GARRE1: variants seen among roughly 807,000 people sequenced by gnomAD.
GARRE1 encodes granule associated Rac and RHOG effector protein 1.
GARRE1 carries 49 observed loss-of-function variants against 103.2 expected under a neutral mutation model. The observed-to-expected ratio is 0.47, with a 90% CI of 0.38 to 0.60. The LOEUF is 0.60. GARRE1 is among the 20% of genes least tolerant of loss of function. The pLI, the probability that GARRE1 is intolerant of heterozygous loss-of-function variation, is 0.00. For missense variants in GARRE1, 1,199 were observed against 1,370.5 expected, an observed-to-expected ratio of 0.87 and a Z score of 1.98; for synonymous variants, 505 against 532.8, an observed-to-expected ratio of 0.95 and a Z score of 0.72.
intron 1 of GARRE1, among the ~76,000 whole-genome samples, chr19:34,255,828 A>T (rs1192556488): frequency 6.6e-6 from 1 of 151,260 alleles, no homozygotes; most frequent in Non-Finnish European, 1.5e-5. Flanking sequence ...AAATTTACAA[A>T]TGGGGTCAAA....
intron 1 of GARRE1, among the ~76,000 whole-genome samples, chr19:34,280,710 G>A (rs548984560): frequency 5.3e-5 from 8 of 152,096 alleles, no homozygotes; most frequent in South Asian, 2.1e-4. Flanking sequence ...ATTATTGATC[G>A]TTAATGGCAC....
chr19:34,301,982 C>CTTTT lies in GARRE1; in HGVS notation c.495+1038_495+1041dup, dbSNP rs35417822. Among the ~76,000 whole-genome samples, 13 of 50,062 alleles carry CTTTT rather than the reference C, an allele frequency of 2.6e-4. 1 individual carries two copies. The highest frequency in any genetic ancestry group is 9.6e-4 in the South Asian group (1 of 1,044). The allele number at this position is 50,062 out of a possible 152,430, so 32.8% of individuals were successfully genotyped here. On this transcript the variant is annotated intron_variant, in intron 2 of 13. Transcript: ENST00000299505. ...ACAGGTGTGAGCCACTGCGCCCAGCCTTTTTTTTTTTTTTTTTTTTTTTTT... is the reference window on the plus strand; with the variant it reads ...ACAGGTGTGAGCCACTGCGCCCAGCCTTTTTTTTTTTTTTTTTTTTTTTTTTTTT...
chr19:34,283,381 ACCTTT>A (rs1476084051), intron 1 of GARRE1, among the ~76,000 whole-genome samples: 2 of 152,192 alleles, frequency 1.3e-5, no homozygotes, highest in African/African-American at 4.8e-5. Context: ...ACTTTTCAAG[ACCTTT>A]CCTGTTTGTC....
At chr19:34,340,083 G>A in intron 9 of GARRE1, 91 bp downstream of exon 9, 1 of 1,366,828 alleles carries the variant, frequency 7.3e-7, no homozygotes, top group Non-Finnish European at 1.0e-6. Context: ...ATAGTATACG[G>A]TATTGTAAAG....
intron 1 of GARRE1, among the ~76,000 whole-genome samples, chr19:34,283,025 T>C (rs1300705602): frequency 2.0e-5 from 3 of 152,254 alleles, no homozygotes; most frequent in Admixed American, 2.0e-4. Flanking sequence ...TTTATTGTTA[T>C]GTCACTGGGA....
chr19:34,281,935 C>T (rs2073856595), intron 1 of GARRE1, among the ~76,000 whole-genome samples: 1 of 152,176 alleles, frequency 6.6e-6, no homozygotes, highest in Admixed American at 6.5e-5. Context: ...TTGTTCTTCT[C>T]TATACGTTGT....
At chr19:34,272,044 C>A (rs916404180) in intron 1 of GARRE1, among the ~76,000 whole-genome samples, 11 of 152,056 alleles carry the variant, frequency 7.2e-5, no homozygotes, top group Admixed American at 5.9e-4. Context: ...GGAGCAGTTG[C>A]TGTAGAAGAG....
chr19:34,258,082 G>A (rs976576679), intron 1 of GARRE1, among the ~76,000 whole-genome samples: 18 of 151,928 alleles, frequency 1.2e-4, no homozygotes, highest in African/African-American at 4.3e-4. Flanking sequence ...TAGAGATGGG[G>A]TTTCACCATG....
chr19:34,307,688 CTTATATATACA>C (rs2074014828), intron 2 of GARRE1, among the ~76,000 whole-genome samples: 1 of 51,006 alleles, frequency 2.0e-5, no homozygotes, highest in African/African-American at 3.8e-5. Context: ...TACATATATA[CTTATATATACA>C]TATATACTTA....
At chr19:34,271,959 T>G (rs771278480) in intron 1 of GARRE1, among the ~76,000 whole-genome samples, 3 of 152,168 alleles carry the variant, frequency 2.0e-5, no homozygotes, top group Non-Finnish European at 4.4e-5. Flanking sequence ...GTCAATTTCC[T>G]TGGAAGCTGA....
intron 1 of GARRE1, among the ~76,000 whole-genome samples, chr19:34,276,206 G>A (rs1235614593): frequency 6.6e-6 from 1 of 152,046 alleles, no homozygotes; most frequent in African/African-American, 2.4e-5. Flanking sequence ...ACCACGCCCA[G>A]CTAATTTTTT....
intron 1 of GARRE1, among the ~76,000 whole-genome samples, chr19:34,285,814 A>G (rs1368668024): frequency 6.6e-6 from 1 of 152,120 alleles, no homozygotes; most frequent in Non-Finnish European, 1.5e-5. Flanking sequence ...GACATTTTAA[A>G]AAAATTCAAC....
At chr19:34,277,291 G>T (rs970795645) in intron 1 of GARRE1, among the ~76,000 whole-genome samples, 1 of 152,104 alleles carries the variant, frequency 6.6e-6, no homozygotes, top group African/African-American at 2.4e-5. Flanking sequence ...TTCATAAACT[G>T]CATGCAGAAG....
chr19:34,300,687 C>G lies in GARRE1; in HGVS notation c.214C>G (p.Pro72Ala). ...SCHHAMPHTT[P>A]IADIQQGISK... is the part of the protein sequence containing the mutation. ...CCACCATGCCATGCCCCACACTACTCCTATCGCCGACATCCAGCAGGGCAT... is the reference window on the plus strand; with the variant it reads ...CCACCATGCCATGCCCCACACTACTGCTATCGCCGACATCCAGCAGGGCAT... The change falls in exon 2 of 14, where the codon CCT becomes GCT. Residue 72 changes from proline to alanine, a missense_variant. Transcript: ENST00000299505. 1.9e-6 allele frequency: 3 copies of G among 1,613,926 alleles called. No individual in the cohort carries two copies. The highest frequency in any genetic ancestry group is 2.7e-5 in the African/African-American group (2 of 75,080).
At chr19:34,293,064 C>T (rs1430566773) in intron 1 of GARRE1, among the ~76,000 whole-genome samples, 1 of 152,110 alleles carries the variant, frequency 6.6e-6, no homozygotes, top group African/African-American at 2.4e-5. Flanking sequence ...ACATCTTCAT[C>T]AATACTTGTT....
intron 7 of GARRE1, among the ~76,000 whole-genome samples, chr19:34,331,268 C>G (rs1464011196): frequency 6.6e-6 from 1 of 152,118 alleles, no homozygotes; most frequent in Non-Finnish European, 1.5e-5. Flanking sequence ...AGCCCCTATT[C>G]TGGAGCTACA....
chr19:34,334,046 T>C (rs994738533), intron 8 of GARRE1, among the ~76,000 whole-genome samples: 1 of 152,226 alleles, frequency 6.6e-6, no homozygotes, highest in Non-Finnish European at 1.5e-5. Flanking sequence ...TGTTATATAC[T>C]CTTGGATCAT....
chr19:34,270,292 C>T (rs1367266728), intron 1 of GARRE1, among the ~76,000 whole-genome samples: 3 of 152,210 alleles, frequency 2.0e-5, no homozygotes, highest in African/African-American at 7.2e-5. Context: ...GTCATAGGAA[C>T]ATGATTTTGT....
chr19:34,269,582 A>C (rs1189382468), intron 1 of GARRE1, among the ~76,000 whole-genome samples: 1 of 151,988 alleles, frequency 6.6e-6, no homozygotes. Flanking sequence ...ATTTATTTTG[A>C]GAGAGGCCCT....
Sources: gnomAD v4.1 joint callset for allele counts (sites outside exome capture counted in the v4.1 genomes callset) on GRCh38, gnomAD v4.1.1 for gene constraint, MANE v1.5 for transcripts, NCBI Gene and HGNC (gene_info 2026-07-23, HGNC 2026-07-21) for gene names.